The following ANO1 variants were observed in gnomAD, a reference collection of about 807,000 sequenced individuals.
ANO1 encodes anoctamin-1.
A neutral mutation model predicts 124.0 loss-of-function variants in ANO1; 59 were observed. The ratio of observed to expected loss-of-function variants is 0.48; its 90% CI spans 0.39 to 0.59. The LOEUF (loss-of-function observed/expected upper bound fraction) is 0.59, where lower values mean the gene tolerates loss of function less well. ANO1 is among the 20% of genes least tolerant of loss of function. ANO1 has a pLI of 0.00. For missense variants in ANO1, 1,059 were observed against 1,328.0 expected (o/e 0.80, Z 3.15); for synonymous variants, 529 against 532.0 (o/e 0.99, Z 0.08).
At chr11:69,979,275 C>T in the ANO1 span, among the ~76,000 whole-genome samples, 7 of 152,198 alleles carry the variant, frequency 4.6e-5, no homozygotes, top group African/African-American at 1.7e-4. Context: ...CATTTTGCAA[C>T]TGGTGTATTG....
chr11:70,072,890 A>T (rs1176724948), intron 1 of ANO1: 2 of 152,322 alleles, frequency 1.3e-5, no homozygotes, highest in African/African-American at 4.8e-5. Flanking sequence ...CTCAGGCCAG[A>T]GGACAGGAGG....
chr11:69,974,922 A>G, the ANO1 span, among the ~76,000 whole-genome samples: 53 of 151,154 alleles, frequency 3.5e-4, no homozygotes, highest in Admixed American at 9.9e-4. Context: ...AGATTAGGAC[A>G]CACACACAGA....
chr11:70,044,584 T>C (rs1033156340), intron 1 of ANO1, among the ~76,000 whole-genome samples: 9 of 152,154 alleles, frequency 5.9e-5, no homozygotes, highest in Admixed American at 5.2e-4. Context: ...TTATTTACAA[T>C]AGAATGCCAA....
chr11:70,014,385 C>T (rs1459441273), intron 1 of ANO1, among the ~76,000 whole-genome samples: 11 of 151,730 alleles, frequency 7.2e-5, no homozygotes, highest in Admixed American at 7.2e-4. Flanking sequence ...TTGATGTCAA[C>T]ATCAATGCCG....
At chr11:70,065,630 C>T (rs1055878381) in intron 1 of ANO1, among the ~76,000 whole-genome samples, 8 of 151,874 alleles carry the variant, frequency 5.3e-5, no homozygotes, top group South Asian at 2.1e-4. Context: ...CCTTGTCCCC[C>T]GTCGTCCCCC....
chr11:70,139,430 TCTC>T (rs1352893484), intron 11 of ANO1, among the ~76,000 whole-genome samples: 5 of 152,204 alleles, frequency 3.3e-5, no homozygotes. Context: ...TTCAAGCGAT[TCTC>T]CTGCCTCAGC....
At chr11:70,128,335 T>C (rs895759398) in intron 10 of ANO1, among the ~76,000 whole-genome samples, 3 of 152,180 alleles carry the variant, frequency 2.0e-5, no homozygotes, top group African/African-American at 7.2e-5. Flanking sequence ...TGGTGGGGAT[T>C]GTAAGGCTGG....
intron 1 of ANO1, among the ~76,000 whole-genome samples, chr11:70,035,623 A>C (rs1253843856): frequency 6.6e-6 from 1 of 151,516 alleles, no homozygotes; most frequent in African/African-American, 2.4e-5. Context: ...GCACCCATCA[A>C]CTCATCATCT....
intron 7 of ANO1, among the ~76,000 whole-genome samples, chr11:70,116,129 C>T (rs529513692): frequency 2.6e-5 from 4 of 152,326 alleles, no homozygotes; most frequent in Admixed American, 6.5e-5. Context: ...TTCCTGCCTC[C>T]AAAAGCCCCC....
chr11:70,099,764 G>C (rs1330922596), intron 2 of ANO1, among the ~76,000 whole-genome samples: 2 of 152,194 alleles, frequency 1.3e-5, no homozygotes, highest in Non-Finnish European at 2.9e-5. Context: ...TCCCCTGCTG[G>C]GAAACAGGCC....
chr11:70,105,667 C>A (rs371686878), intron 4 of ANO1, 67 bp from the exon 5 acceptor site: 41 of 1,473,584 alleles, frequency 2.8e-5, no homozygotes, highest in Non-Finnish European at 3.7e-5. Context: ...TTTCCCAGGG[C>A]CTTGAAACCC....
At chr11:70,160,210 C>A (rs1315314714) in intron 16 of ANO1, among the ~76,000 whole-genome samples, 1 of 152,140 alleles carries the variant, frequency 6.6e-6, no homozygotes, top group Non-Finnish European at 1.5e-5. Flanking sequence ...AACACGGGGA[C>A]ACAGGGTGAC....
At chr11:70,058,414 C>T (rs1399614262) in intron 1 of ANO1, among the ~76,000 whole-genome samples, 7 of 152,250 alleles carry the variant, frequency 4.6e-5, no homozygotes, top group Middle Eastern at 3.4e-3. Flanking sequence ...AAGGCCTTGG[C>T]GGTTTTGGAG....
At chr11:69,993,484 C>T (rs965476901) in intron 1 of ANO1, among the ~76,000 whole-genome samples, 11 of 152,162 alleles carry the variant, frequency 7.2e-5, no homozygotes, top group South Asian at 2.1e-4. Flanking sequence ...GAGAGAGCCT[C>T]GGGCTATATT....
At chr11:69,997,990 G>A (rs919793135) in intron 1 of ANO1, among the ~76,000 whole-genome samples, 1 of 151,966 alleles carries the variant, frequency 6.6e-6, no homozygotes, top group Non-Finnish European at 1.5e-5. Flanking sequence ...ATAGCAGTGC[G>A]AGAATGGCCT....
intron 1 of ANO1, among the ~76,000 whole-genome samples, chr11:69,986,863 T>C (rs1214480018): frequency 5.9e-5 from 9 of 152,078 alleles, no homozygotes; most frequent in African/African-American, 2.2e-4. Context: ...AGTGGGATAG[T>C]GACAAGGGGG....
chr11:70,106,127 C>T (rs910289474), intron 5 of ANO1, among the ~76,000 whole-genome samples: 1 of 152,086 alleles, frequency 6.6e-6, no homozygotes, highest in African/African-American at 2.4e-5. Context: ...GCGTGCCTGA[C>T]CATCAGGCCA....
At chr11:70,075,982 C>T (rs950532991), upstream of ANO1, among the ~76,000 whole-genome samples, 5 of 152,198 alleles carry the variant, frequency 3.3e-5, no homozygotes, top group Admixed American at 6.5e-5. Context: ...CACGAACCCC[C>T]GGCGAAGGCC....
At position 70,003,748 on chromosome 11, in the gene ANO1, C is replaced by T. The variant is rs192309134; in HGVS notation, c.58+17582C>T. Among the ~76,000 whole-genome samples the T allele has an allele frequency of 6.2e-3, 939 of 152,158 alleles. 5 individuals are homozygous for T. The highest frequency in any genetic ancestry group is 0.01 in the Middle Eastern group (3 of 294). On this transcript the variant is annotated intron_variant, in intron 1 of 27. Coordinates refer to the ANO1 transcript ENST00000531349. ...ATGTTTACCACTTGATCAAATCACT[C>T]CAATCCTAGAAACATATCCTACAGA...
Sources: allele counts gnomAD v4.1 joint callset (sites outside exome capture counted in the v4.1 genomes callset), GRCh38; gene constraint gnomAD v4.1.1; transcripts MANE v1.5; gene names NCBI Gene and HGNC (gene_info 2026-07-23, HGNC 2026-07-21).